TRIM48: variants seen among roughly 807,000 people sequenced by gnomAD.
TRIM48 encodes E3 ubiquitin-protein ligase TRIM48.
Under a neutral mutation model 29.5 loss-of-function variants are expected in TRIM48, and 31 were observed. That is an observed-to-expected ratio of 1.05 (90% CI 0.79 to 1.42). TRIM48 has a LOEUF of 1.42. Ranked by LOEUF, TRIM48 falls within the 40% of genes most tolerant of loss-of-function variation. The pLI, the probability that TRIM48 is intolerant of heterozygous loss-of-function variation, is 0.00. For synonymous variants in TRIM48, 128 were observed against 90.6 expected (o/e 1.41, Z -2.34); for missense variants, 344 against 265.0 (o/e 1.30, Z -2.07).
At chr11:55,262,504 A>C (rs1361426324) in intron 1 of TRIM48, among the ~76,000 whole-genome samples, 193 bp downstream of exon 1, 1 of 152,156 alleles carries the variant, frequency 6.6e-6, no homozygotes, top group Non-Finnish European at 1.5e-5. Flanking sequence ...TCTTCAATAT[A>C]GTTTTGAAAA....
chr11:55,262,970 C>T (rs1477893854), intron 1 of TRIM48, among the ~76,000 whole-genome samples: 2 of 151,930 alleles, frequency 1.3e-5, no homozygotes, highest in East Asian at 1.9e-4. Context: ...AATTCAGCAG[C>T]GTTATCAAAT....
chr11:55,263,226 C>A (rs1275984082), intron 1 of TRIM48, among the ~76,000 whole-genome samples: 1 of 152,062 alleles, frequency 6.6e-6, no homozygotes, highest in East Asian at 1.9e-4. Context: ...GTTACAATTG[C>A]CTAGAGTATA....
chr11:55,267,441 C>G, intron 3 of TRIM48: 1 of 1,578,286 alleles, frequency 6.3e-7, no homozygotes, highest in Non-Finnish European at 8.6e-7. Flanking sequence ...GCTATTAAAG[C>G]TGAGTATCAG....
At chr11:55,267,564 G>T in intron 3 of TRIM48, 1 of 1,567,056 alleles carries the variant, frequency 6.4e-7, no homozygotes, top group Admixed American at 1.7e-5. Context: ...ATGGCTCATA[G>T]GAGGGAGATT....
chr11:55,269,857 A>C (rs1476080824), intron 5 of TRIM48, among the ~76,000 whole-genome samples: 2 of 148,020 alleles, frequency 1.4e-5, no homozygotes, highest in Non-Finnish European at 3.0e-5. Context: ...AAACAAAAAG[A>C]AGTTCAGTTT....
At chr11:55,262,381 AAT>A in intron 1 of TRIM48, 70 bp downstream of exon 1, 5 of 1,095,870 alleles carry the variant, frequency 4.6e-6, no homozygotes, top group Non-Finnish European at 6.8e-6. Context: ...GAGTGTTAAA[AAT>A]ATCTCATTAT....
chr11:55,262,728 G>T (rs1030206121), intron 1 of TRIM48, among the ~76,000 whole-genome samples: 25 of 151,928 alleles, frequency 1.6e-4, no homozygotes, highest in Admixed American at 1.6e-3. Context: ...AATGATGAGA[G>T]ATGAAAAATA....
chr11:55,264,103 C>T (rs775345234), intron 1 of TRIM48, among the ~76,000 whole-genome samples: 8 of 152,018 alleles, frequency 5.3e-5, no homozygotes, highest in Admixed American at 1.3e-4. Context: ...CTAAAATTCA[C>T]CATCACACCA....
intron 3 of TRIM48, among the ~76,000 whole-genome samples, chr11:55,268,061 A>C (rs924968623): frequency 1.4e-5 from 2 of 147,842 alleles, no homozygotes; most frequent in Non-Finnish European, 3.0e-5. Context: ...GTTCTGGGAA[A>C]GATGACCGAG....
chr11:55,265,890 A>G (rs1162335545), intron 3 of TRIM48, among the ~76,000 whole-genome samples, 195 bp downstream of exon 3: 1 of 147,478 alleles, frequency 6.8e-6, no homozygotes, highest in Non-Finnish European at 1.5e-5. Context: ...TTTCTAACAA[A>G]ACCGTTGATG....
intron 3 of TRIM48, among the ~76,000 whole-genome samples, chr11:55,267,085 C>T (rs181774624): frequency 1.4e-5 from 2 of 148,088 alleles, no homozygotes; most frequent in African/African-American, 4.9e-5. Flanking sequence ...GTAACTATAG[C>T]TCTATACTCC....
At position 55,265,756 on chromosome 11, in the gene TRIM48, A is replaced by C; in HGVS notation, c.555+61A>C. The stretch of plus-strand genomic sequence containing the variant: ...TATGGTGGGCAAATGGGTGACTCTT[A>C]AAATAGGAACTTGATATCAAACCGT... On this transcript the variant is annotated intron_variant, in intron 3 of 5. Coordinates refer to ENST00000417545, the MANE Select transcript of TRIM48 (RefSeq NM_024114.5). The C allele has an allele frequency of 2.0e-6, 3 of 1,494,612 alleles. 1 individual carries two copies. The allele number at this position is 1,494,612 out of a possible 1,614,324, so 92.6% of individuals were successfully genotyped here. A position where few individuals can be genotyped will look rare whatever the true frequency, so the allele number is the denominator to read the frequency against.
Position 55,269,092 on chromosome 11 carries a change from T to C in TRIM48, c.579-150T>C, listed in dbSNP as rs532542423. ...TGCTTTAAAATTTGGAAACTGTAAA[T>C]AGAAATTAATTCCAAAAAGGAAGGA... On this transcript the variant is annotated intron_variant, in intron 4 of 5. Transcript: ENST00000417545. The C allele has an allele frequency of 7.9e-6, 10 of 1,271,968 alleles. 2 individuals carry two copies. Among genetic ancestry groups the C allele is most frequent in the Middle Eastern group, 5.5e-4 (2 of 3,616 alleles). The allele number at this position is 1,271,968 out of a possible 1,614,324, so 78.8% of individuals were successfully genotyped here.
In TRIM48 at chr11:55,265,288, G is replaced by T. The variant is rs201835481; in HGVS notation, c.433G>T (p.Ala145Ser). ...QEHRYHRHCP[A>S]EWAAEEHWEK... ...GCACCGGTATCACAGACACTGTCCC[G>T]CTGAGTGGGCTGCTGAGGAACACTG... Residue 145 changes from alanine to serine, a missense_variant, in exon 2 of 6, where the codon GCT becomes TCT. Transcript: ENST00000417545. 1.3e-6 allele frequency: 2 copies of T among 1,582,038 alleles called. No homozygotes were observed. The highest frequency in any genetic ancestry group is 1.7e-6 in the Non-Finnish European group (2 of 1,166,014).
chr11:55,263,047 C>T (rs1279975381), intron 1 of TRIM48, among the ~76,000 whole-genome samples: 1 of 152,012 alleles, frequency 6.6e-6, no homozygotes, highest in Non-Finnish European at 1.5e-5. Flanking sequence ...TCAGGGCTCT[C>T]CAGACAGACA....
intron 1 of TRIM48, among the ~76,000 whole-genome samples, chr11:55,262,614 T>C (rs1354623000): frequency 6.6e-6 from 1 of 152,152 alleles, no homozygotes; most frequent in Non-Finnish European, 1.5e-5. Context: ...TGTGTAAATA[T>C]ATGTGTAATG....
Position 55,270,711 on chromosome 11 carries a change from T to C in TRIM48, c.*276T>C, listed in dbSNP as rs1791020073. The C allele has an allele frequency of 2.1e-5, 33 of 1,567,004 alleles. 2 individuals carry two copies. The highest frequency in any genetic ancestry group is 2.9e-5 in the Non-Finnish European group (33 of 1,151,338). The stretch of plus-strand genomic sequence containing the variant: ...ATATATATGGAGAGGAGGGACTCTT[T>C]AGTCTTGGGTGTGTTAAGAACGACA... On this transcript the variant is annotated 3_prime_UTR_variant, in exon 6 of 6. Transcript: ENST00000417545.
chr11:55,265,686 C>G lies in TRIM48; in HGVS notation c.546C>G (p.Ser182Arg), dbSNP rs751016137. 1 of 1,580,116 alleles carries G rather than the reference C, an allele frequency of 6.3e-7. No homozygotes were observed. The highest frequency in any genetic ancestry group is 1.7e-5 in the Admixed American group (1 of 58,090). The stretch of plus-strand genomic sequence containing the variant: ...TGAATGTGGAAACCACCAGAATCAG[C>G]CACTGGAAGGTTAGTCCTGTAATAC... ...RNLNVETTRI[S>R]HWKAFGDILY... is the part of the protein sequence containing the mutation. Residue 182 changes from serine (S) to arginine (R), a missense_variant, in exon 3 of 6, where the codon AGC becomes AGG. Physicochemically the swap from Ser to Arg is moderately radical, Grantham distance 110 (BLOSUM62 -1). Transcript: ENST00000417545.
At chr11:55,264,769 G>A (rs1857360295) in intron 1 of TRIM48, 131 bp from the exon 2 acceptor site, 2 of 1,408,004 alleles carry the variant, frequency 1.4e-6, no homozygotes, top group Non-Finnish European at 1.9e-6. Flanking sequence ...TTTTGTTACA[G>A]AAGAAATAGT....
Sources: allele counts gnomAD v4.1 joint callset (sites outside exome capture counted in the v4.1 genomes callset), GRCh38; gene constraint gnomAD v4.1.1; transcripts MANE v1.5; gene names NCBI Gene and HGNC (gene_info 2026-07-23, HGNC 2026-07-21).